The following LACRT variants were observed in gnomAD, a reference collection of about 807,000 sequenced individuals.
LACRT encodes extracellular glycoprotein lacritin.
A neutral mutation model predicts 14.5 loss-of-function variants in LACRT; 14 were observed. The ratio of observed to expected loss-of-function variants is 0.96; its 90% CI spans 0.64 to 1.51. LACRT has a LOEUF of 1.51. Among genes scored for constraint, LACRT ranks in the 40% most tolerant of loss-of-function variants. The pLI, the probability that LACRT is intolerant of heterozygous loss-of-function variation, is 0.00. For missense variants in LACRT, 156 were observed against 161.8 expected, an observed-to-expected ratio of 0.96 and a Z score of 0.19; for synonymous variants, 70 against 63.5, an observed-to-expected ratio of 1.10 and a Z score of -0.48.
intron 1 of LACRT, among the ~76,000 whole-genome samples, 178 bp downstream of exon 1, chr12:54,634,606 G>A (rs1178167134): frequency 6.6e-6 from 1 of 152,138 alleles, no homozygotes; most frequent in Non-Finnish European, 1.5e-5. Flanking sequence ...AGAGAGTTCT[G>A]GGTTCCTCTG....
Position 54,631,588 on chromosome 12 carries a change from G to T in LACRT, c.355+150C>A, listed in dbSNP as rs1592196183. On this transcript the variant is annotated intron_variant, in intron 4 of 4. Coordinates refer to ENST00000257867, the MANE Select transcript of LACRT (RefSeq NM_033277.2). ...AATTGGAAACATATGAAAGCACAAAGTGAGGGGTCTTCAACAGCAGGGGCT... is the reference window on the plus strand; with the variant it reads ...AATTGGAAACATATGAAAGCACAAATTGAGGGGTCTTCAACAGCAGGGGCT... 1.7e-5 allele frequency: 11 copies of T among 656,824 alleles called. No individual in the cohort carries two copies. In the East Asian group the frequency reaches 2.6e-4, roughly 15 times the overall value. 40.7% of individuals were successfully genotyped at this position (656,824 alleles called of 1,614,324 possible).
intron 4 of LACRT, 35 bp from the exon 5 acceptor site, chr12:54,630,988 G>A: frequency 7.2e-7 from 1 of 1,385,624 alleles, no homozygotes; most frequent in Non-Finnish European, 1.0e-6. Context: ...AGGCTTTTAG[G>A]ACCCCAGGCA....
At chr12:54,634,614 C>G (rs1186651067) in intron 1 of LACRT, among the ~76,000 whole-genome samples, 170 bp downstream of exon 1, 1 of 152,142 alleles carries the variant, frequency 6.6e-6, no homozygotes, top group Non-Finnish European at 1.5e-5. Context: ...CTGGGTTCCT[C>G]TGGCCAGTGG....
chr12:54,634,865 A>G lies in LACRT; in HGVS notation c.-24T>C. ...ATTCTTTGGGATGAGGAGTGAGTAT[A>G]ACCACAGAATCTGCAGAAGGTCTGG... On this transcript the variant is annotated 5_prime_UTR_variant, in exon 1 of 5. Coordinates refer to ENST00000257867, the MANE Select transcript of LACRT (RefSeq NM_033277.2). 6.3e-7 allele frequency: 1 copy of G among 1,594,272 alleles called. No individual in the cohort carries two copies. Among genetic ancestry groups the G allele is most frequent in the East Asian group, 2.2e-5 (1 of 44,780 alleles).
At chr12:54,631,015 C>A (rs1208419831) in intron 4 of LACRT, 62 bp from the exon 5 acceptor site, 13 of 986,038 alleles carry the variant, frequency 1.3e-5, no homozygotes, top group Non-Finnish European at 2.1e-5. Flanking sequence ...CCACCCCTTC[C>A]ATTTCTCCTC....
chr12:54,631,459 T>C (rs573846174), intron 4 of LACRT, among the ~76,000 whole-genome samples: 1 of 152,336 alleles, frequency 6.6e-6, no homozygotes, highest in African/African-American at 2.4e-5. Context: ...CAGGCTAGTC[T>C]TGAACTCCTG....
Position 54,631,804 on chromosome 12 carries a change from G to A in LACRT, c.289C>T (p.Gln97Ter), listed in dbSNP as rs532763579. ...CCTTTTCCTGCTTTTGCAAGGGCTT[G>A]TTCTGTTAGTAAGATACTTTTCTCC... is the stretch of plus-strand genomic sequence containing the variant. Reference protein sequence around the residue: ...IVEKSILLTEQALAKAGKGMH... With the variant: ...IVEKSILLTE The change falls in exon 4 of 5, where the codon CAA becomes TAA. Residue 97 changes from glutamine to a stop codon, truncating the protein, a stop_gained. Transcript: ENST00000257867. LOFTEE classifies it high-confidence loss of function. The A allele has an allele frequency of 1.2e-6, 2 of 1,613,942 alleles. No homozygotes were observed. The highest frequency in any genetic ancestry group is 1.7e-6 in the Non-Finnish European group (2 of 1,179,820).
At chr12:54,633,271 C>A in intron 1 of LACRT, 38 bp from the exon 2 acceptor site, 2 of 1,593,254 alleles carry the variant, frequency 1.3e-6, no homozygotes, top group Non-Finnish European at 8.6e-7. Context: ...GAGCAAGGAC[C>A]GAACCGGACC....
rs760849155 is a variant in LACRT, at chr12:54,634,775, C to T, written c.58+9G>A. 6 of 1,613,142 alleles carry T rather than the reference C, an allele frequency of 3.7e-6. No individual in the cohort carries two copies. The highest frequency in any genetic ancestry group is 5.1e-6 in the Non-Finnish European group (6 of 1,179,230). ...CTCTTGTGGGGCGCAGAGGAAAGGC[C>T]ATACTCACCAGCATAGACCAGGGCC... is the stretch of plus-strand genomic sequence containing the variant. On this transcript the variant is annotated intron_variant, in intron 1 of 4. Coordinates refer to ENST00000257867, the MANE Select transcript of LACRT (RefSeq NM_033277.2).
At chr12:54,632,527 A>G in intron 2 of LACRT, 146 bp from the exon 3 acceptor site, 1 of 937,872 alleles carries the variant, frequency 1.1e-6, no homozygotes, top group Admixed American at 2.3e-5. Flanking sequence ...CTTAAGGGAG[A>G]TAGCATTTCT....
Position 54,630,851 on chromosome 12 carries a change from T to C in LACRT, c.*41A>G, listed in dbSNP as rs767589171. 1 of 1,440,684 alleles carries C rather than the reference T, an allele frequency of 6.9e-7. No individual in the cohort carries two copies. Among genetic ancestry groups the C allele is most frequent in the Non-Finnish European group, 9.8e-7 (1 of 1,022,268 alleles). The allele number at this position is 1,440,684 out of a possible 1,614,324, so 89.2% of individuals were successfully genotyped here. A position where few individuals can be genotyped will look rare whatever the true frequency, so the allele number is the denominator to read the frequency against. On this transcript the variant is annotated 3_prime_UTR_variant, in exon 5 of 5. Transcript: ENST00000257867. ...TTAATAGCTCTGGGCTACAAGGGTATTTAAGGCTTTAAGTCCAATGATCCC... is the reference window on the plus strand; with the variant it reads ...TTAATAGCTCTGGGCTACAAGGGTACTTAAGGCTTTAAGTCCAATGATCCC...
chr12:54,633,371 C>T (rs1385616928), intron 1 of LACRT, 138 bp from the exon 2 acceptor site: 1 of 731,250 alleles, frequency 1.4e-6, no homozygotes, highest in East Asian at 2.6e-5. Flanking sequence ...TTGGGTTGGA[C>T]ATGCCCTTCC....
chr12:54,631,614 G>A, intron 4 of LACRT, 124 bp downstream of exon 4: 1 of 724,722 alleles, frequency 1.4e-6, no homozygotes, highest in East Asian at 2.5e-5. Context: ...AGCAGGGGCT[G>A]TGGCAATTCC....
intron 4 of LACRT, 86 bp downstream of exon 4, chr12:54,631,652 G>A (rs538463987): frequency 8.0e-4 from 768 of 963,350 alleles, no homozygotes; most frequent in Non-Finnish European, 6.7e-4. Flanking sequence ...TGGAAATGGG[G>A]GCAAGTTCTG....
intron 3 of LACRT, 75 bp from the exon 4 acceptor site, chr12:54,631,914 G>GGGGGGGGGC: frequency 1.1e-6 from 1 of 951,890 alleles, no homozygotes; most frequent in Non-Finnish European, 1.7e-6. Context: ...TGCCCCACCT[G>GGGGGGGGGC]CACCCGCCCC....
chr12:54,631,043 CCAGACTTA>C (rs2121268788), intron 4 of LACRT, 90 bp from the exon 5 acceptor site: 1 of 817,888 alleles, frequency 1.2e-6, no homozygotes, highest in Non-Finnish European at 2.1e-6. Context: ...TCTCTGCTTT[CCAGACTTA>C]CTGAGACTCT....
In LACRT at chr12:54,632,271, T is replaced by A; in HGVS notation, c.223A>T (p.Thr75Ser). Reference sequence around the variant, plus strand: ...GGGTTTAGTTCCTGCCTGCTTGAGGTGACCTTGGCTGTCCCCTGAACTGCT... The same window carrying A: ...GGGTTTAGTTCCTGCCTGCTTGAGGAGACCTTGGCTGTCCCCTGAACTGCT... ...AAAVQGTAKV[T>S]SSRQELNPLK... Residue 75 changes from threonine (T) to serine (S), a missense_variant, in exon 3 of 5, where the codon ACC (threonine) becomes TCC (serine). Physicochemically the swap from Thr to Ser is moderately conservative, Grantham distance 58. Transcript: ENST00000257867. 6.2e-7 allele frequency: 1 copy of A among 1,614,090 alleles called. No homozygotes were observed. The highest frequency in any genetic ancestry group is 8.5e-7 in the Non-Finnish European group (1 of 1,179,984).
At chr12:54,631,665 C>T in intron 4 of LACRT, 73 bp downstream of exon 4, 2 of 1,144,926 alleles carry the variant, frequency 1.7e-6, no homozygotes, top group African/African-American at 1.5e-5. Flanking sequence ...AAGTTCTGTC[C>T]CATATCCCAC....
Position 54,630,968 on chromosome 12 carries a change from G to A in LACRT, c.356-15C>T. On this transcript the variant is annotated splice_polypyrimidine_tract_variant and intron_variant, in intron 4 of 4. Coordinates refer to ENST00000257867, the MANE Select transcript of LACRT (RefSeq NM_033277.2). ...TTCACTTCCATCTAGAAGGAAAGAT[G>A]AGACAAATGAGGCTTTTAGGACCCC... 6.3e-7 allele frequency: 1 copy of A among 1,580,786 alleles called. No individual in the cohort carries two copies. The highest frequency in any genetic ancestry group is 8.7e-7 in the Non-Finnish European group (1 of 1,151,818).
Sources: allele counts gnomAD v4.1 joint callset (sites outside exome capture counted in the v4.1 genomes callset), GRCh38; gene constraint gnomAD v4.1.1; transcripts MANE v1.5; gene names NCBI Gene and HGNC (gene_info 2026-07-23, HGNC 2026-07-21).